Variants in SLC1A6 observed in about 807,000 individuals in gnomAD.
SLC1A6 encodes the protein excitatory amino acid transporter 4.
Under a neutral mutation model 42.1 loss-of-function variants are expected in SLC1A6, and 15 were observed. The ratio of observed to expected loss-of-function variants is 0.36; its 90% CI spans 0.24 to 0.55. SLC1A6 has a LOEUF of 0.55. Among genes scored for constraint, SLC1A6 ranks in the 20% least tolerant of loss-of-function variants. The pLI is 0.88. For synonymous variants in SLC1A6, 317 were observed against 319.7 expected (o/e 0.99, Z 0.09); for missense variants, 542 against 772.5 (o/e 0.70, Z 3.54).
At chr19:15,000,198 T>C (rs189043373) in intron 1 of SLC1A6, among the ~76,000 whole-genome samples, 35 of 152,362 alleles carry the variant, frequency 2.3e-4, no homozygotes, top group Admixed American at 1.4e-3. Context: ...TTTTGACTTA[T>C]GATATTTTCA....
chr19:14,974,521 G>A (rs1436039871), intron 1 of SLC1A6: 2 of 151,520 alleles, frequency 1.3e-5, no homozygotes, highest in Non-Finnish European at 2.9e-5. Flanking sequence ...AACACCTCAC[G>A]TGTACAGGGC....
At chr19:14,962,404 G>C (rs1355798046) in intron 5 of SLC1A6, 59 bp from the exon 6 acceptor site, 2 of 1,307,014 alleles carry the variant, frequency 1.5e-6, no homozygotes, top group East Asian at 4.7e-5. Context: ...GAATCGCCTG[G>C]AGAAATTCCT....
At chr19:14,951,779 A>G (rs933643586) in intron 9 of SLC1A6, among the ~76,000 whole-genome samples, 1 of 151,766 alleles carries the variant, frequency 6.6e-6, no homozygotes, top group Admixed American at 6.6e-5. Flanking sequence ...CGGCCTCCCA[A>G]AGTGCTGGGA....
At chr19:15,006,749 C>T (rs372362607) in intron 1 of SLC1A6, among the ~76,000 whole-genome samples, 3 of 136,486 alleles carry the variant, frequency 2.2e-5, no homozygotes, top group South Asian at 2.6e-4. Flanking sequence ...GATAGCAAGA[C>T]CCTGTCTCTA....
intron 3 of SLC1A6, among the ~76,000 whole-genome samples, chr19:14,970,981 T>G (rs946119013): frequency 9.9e-5 from 15 of 152,060 alleles, no homozygotes; most frequent in African/African-American, 3.6e-4. Context: ...ATACAAAAAA[T>G]TAGCTGGGCG....
chr19:14,953,056 C>G lies in SLC1A6; in HGVS notation c.1371G>C (p.Thr457=), dbSNP rs780328846. 1 of 1,612,666 alleles carries G rather than the reference C, an allele frequency of 6.2e-7. No individual in the cohort carries two copies. The highest frequency in any genetic ancestry group is 8.5e-7 in the Non-Finnish European group (1 of 1,179,214). Residue 457 remains threonine, a synonymous_variant, in exon 9 of 10, where the codon ACG becomes ACC. Transcript: ENST00000594383. ...CAGCCCCAACACTGGCTGCTGTGGCCGTGATGCTGCAGGGGGAGGGAGAAC... is the reference window on the plus strand; with the variant it reads ...CAGCCCCAACACTGGCTGCTGTGGCGGTGATGCTGCAGGGGGAGGGAGAAC... ...NLGQITTISI[T]ATAASVGAAG... is the part of the protein sequence containing the mutation.
At chr19:15,001,895 A>C (rs1245932314) in intron 1 of SLC1A6, among the ~76,000 whole-genome samples, 1 of 152,088 alleles carries the variant, frequency 6.6e-6, no homozygotes, top group Non-Finnish European at 1.5e-5. Context: ...TCCTGGGCTT[A>C]AGCAATTCAT....
At chr19:14,983,303 G>A (rs376453062), upstream of SLC1A6, among the ~76,000 whole-genome samples, 25 of 152,072 alleles carry the variant, frequency 1.6e-4, 1 homozygote, top group South Asian at 4.1e-3. Flanking sequence ...TGTTGATTTC[G>A]CTGTTTAAAA....
chr19:14,965,775 G>A (rs912330361), intron 4 of SLC1A6, among the ~76,000 whole-genome samples: 3 of 151,054 alleles, frequency 2.0e-5, no homozygotes, highest in East Asian at 1.9e-4. Context: ...GCTTGAACCC[G>A]AAAGGCAGAG....
intron 1 of SLC1A6, chr19:14,977,691 G>A (rs916464586): frequency 2.0e-5 from 3 of 152,228 alleles, no homozygotes; most frequent in African/African-American, 7.2e-5. Flanking sequence ...TAAAGCAGGA[G>A]GATCGCTTGA....
intron 8 of SLC1A6, among the ~76,000 whole-genome samples, 167 bp from the exon 9 acceptor site, chr19:14,953,229 C>T (rs1050465840): frequency 1.3e-5 from 2 of 151,016 alleles, no homozygotes; most frequent in African/African-American, 4.9e-5. Flanking sequence ...CTCGCCTCGC[C>T]TCGCCTCACC....
intron 1 of SLC1A6, among the ~76,000 whole-genome samples, chr19:14,998,087 T>C (rs1272045675): frequency 3.3e-5 from 5 of 152,156 alleles, no homozygotes; most frequent in Non-Finnish European, 7.3e-5. Flanking sequence ...TAAAATTCTA[T>C]GCCCTACCAA....
chr19:15,008,440 A>C (rs2045907078), intron 1 of SLC1A6, among the ~76,000 whole-genome samples: 1 of 152,176 alleles, frequency 6.6e-6, no homozygotes, highest in Non-Finnish European at 1.5e-5. Flanking sequence ...GAGAAAAGGG[A>C]AAGCTTATAC....
At chr19:14,977,789 GAA>G (rs1270421688) in intron 1 of SLC1A6, 1 of 152,096 alleles carries the variant, frequency 6.6e-6, no homozygotes, top group Non-Finnish European at 1.5e-5. Context: ...TAAAAGAAAA[GAA>G]AACAGCATCT....
intron 8 of SLC1A6, among the ~76,000 whole-genome samples, 154 bp from the exon 9 acceptor site, chr19:14,953,216 TGCCTCGCCTCGCCTC>T (rs564458804): frequency 6.6e-6 from 1 of 151,382 alleles, no homozygotes; most frequent in Non-Finnish European, 1.5e-5. Context: ...TACTGCTTGA[TGCCTCGCCTCGCCTC>T]GCCTCACCTC....
At chr19:14,995,901 A>G (rs1323428743) in intron 1 of SLC1A6, among the ~76,000 whole-genome samples, 3 of 152,206 alleles carry the variant, frequency 2.0e-5, no homozygotes, top group Non-Finnish European at 4.4e-5. Context: ...AACATTAGAC[A>G]GCAATATCAT....
intron 2 of SLC1A6, 81 bp from the exon 3 acceptor site, chr19:14,971,955 A>AGG (rs764001532): frequency 2.4e-5 from 35 of 1,450,218 alleles, no homozygotes; most frequent in Non-Finnish European, 3.3e-5. Flanking sequence ...CAAGAAGGGT[A>AGG]GGGCAAGGGT....
In SLC1A6 at chr19:14,954,150, T is replaced by C; in HGVS notation, c.1349A>G (p.Gln450Arg). The part of the protein sequence containing the change: ...QVNNYELNLG[Q>R]ITTISITATA... ...GCCCCCTCACCTGATGGTTGTGATC[T>C]GACCCAGGTTGAGCTCGTAGTTGTT... Residue 450 changes from glutamine (Q) to arginine (R), a missense_variant, in exon 8 of 10, where the codon CAG (glutamine) becomes CGG (arginine). Gln to Arg is a conservative substitution (Grantham distance 43). Transcript: ENST00000594383. 6.2e-7 allele frequency: 1 copy of C among 1,605,668 alleles called. No homozygotes were observed.
Position 14,961,989 on chromosome 19 carries a change from G to C in SLC1A6, c.935+13C>G. 1.2e-6 allele frequency: 2 copies of C among 1,609,198 alleles called. No individual in the cohort carries two copies. Among genetic ancestry groups the C allele is most frequent in the Non-Finnish European group, 1.7e-6 (2 of 1,177,380 alleles). On this transcript the variant is annotated intron_variant, in intron 6 of 9. Transcript: ENST00000594383. ...CTGGCTCCACCATCCCGTGGGCACA[G>C]ACCAGGACTCACCAGATAATGATGC...
Sources: allele counts gnomAD v4.1 joint callset (sites outside exome capture counted in the v4.1 genomes callset), GRCh38; gene constraint gnomAD v4.1.1; transcripts MANE v1.5; gene names NCBI Gene and HGNC (gene_info 2026-07-23, HGNC 2026-07-21).